Variants in SUPT3H observed in about 807,000 individuals in gnomAD.
The protein encoded by SUPT3H is transcription initiation protein SPT3 homolog.
A neutral mutation model predicts 44.3 loss-of-function variants in SUPT3H; 44 were observed. The observed-to-expected ratio is 0.99, with a 90% confidence interval of 0.78 to 1.28. The LOEUF (loss-of-function observed/expected upper bound fraction) is 1.28, where lower values mean the gene tolerates loss of function less well. Ranked by LOEUF, SUPT3H falls within the 50% of genes most tolerant of loss-of-function variation. The probability of loss-of-function intolerance (pLI) is 0.00; values close to 1 mark genes in which losing one functional copy is unlikely to be tolerated. For missense variants in SUPT3H, 380 were observed against 387.1 expected, an observed-to-expected ratio of 0.98 and a Z score of 0.15; for synonymous variants, 124 against 125.6, an observed-to-expected ratio of 0.99 and a Z score of 0.09.
At chr6:44,935,773 G>A (rs1427495633) in intron 9 of SUPT3H, among the ~76,000 whole-genome samples, 1 of 152,200 alleles carries the variant, frequency 6.6e-6, no homozygotes, top group African/African-American at 2.4e-5. Context: ...TTTCTCTGCC[G>A]GTTTACAATG....
intron 10 of SUPT3H, among the ~76,000 whole-genome samples, chr6:44,903,304 A>G (rs2153449334): frequency 6.6e-6 from 1 of 152,294 alleles, no homozygotes; most frequent in Non-Finnish European, 1.5e-5. Context: ...AAAGAAGAAA[A>G]GAGAGAAGAA....
At chr6:45,111,467 T>C (rs931150698) in intron 2 of SUPT3H, among the ~76,000 whole-genome samples, 2 of 151,992 alleles carry the variant, frequency 1.3e-5, no homozygotes, top group African/African-American at 4.8e-5. Context: ...TTCCAAAGTG[T>C]TCCCTACCAA....
At chr6:45,061,955 T>C (rs988750899) in intron 3 of SUPT3H, among the ~76,000 whole-genome samples, 5 of 146,988 alleles carry the variant, frequency 3.4e-5, no homozygotes, top group African/African-American at 1.3e-4. Flanking sequence ...TTAAATTGGG[T>C]GATGTGTTAT....
At chr6:44,816,895 A>G (rs1192012556) in intron 11 of SUPT3H, among the ~76,000 whole-genome samples, 2 of 127,416 alleles carry the variant, frequency 1.6e-5, no homozygotes, top group East Asian at 1.9e-4. Flanking sequence ...ACTACAAAAT[A>G]AAACAACAAC....
intron 3 of SUPT3H, among the ~76,000 whole-genome samples, chr6:45,070,922 C>T (rs1794291239): frequency 6.6e-6 from 1 of 152,024 alleles, no homozygotes; most frequent in Non-Finnish European, 1.5e-5. Context: ...CAACAAACAT[C>T]CGAGCCGCAA....
intron 10 of SUPT3H, among the ~76,000 whole-genome samples, chr6:44,861,891 T>A (rs1005750356): frequency 6.6e-6 from 1 of 152,250 alleles, no homozygotes; most frequent in African/African-American, 2.4e-5. Flanking sequence ...ATTTTAATAT[T>A]AAGCTAAAAT....
intron 6 of SUPT3H, among the ~76,000 whole-genome samples, chr6:44,980,551 G>C (rs1304024745): frequency 4.6e-5 from 7 of 152,110 alleles, no homozygotes; most frequent in Non-Finnish European, 1.0e-4. Flanking sequence ...CTTTCTTCTT[G>C]TTTGGTCTAG....
Position 45,158,298 on chromosome 6 carries a change from ATTTTTTT to A in SUPT3H, c.102-52299_102-52293del, listed in dbSNP as rs56882164. Among the ~76,000 whole-genome samples, 205 of 99,674 alleles carry A rather than the reference ATTTTTTT, an allele frequency of 2.1e-3. 5 individuals carry two copies. Among genetic ancestry groups the A allele is most frequent in the Non-Finnish European group, 2.8e-3 (158 of 57,206 alleles). The allele number at this position is 99,674 out of a possible 152,430, so 65.4% of individuals were successfully genotyped here. ...TACATATATATATATATATATATATATTTTTTTTTTTTTTTTTTTGAGATGGAGTCTC... is the reference window on the plus strand; with the variant it reads ...TACATATATATATATATATATATATATTTTTTTTTTTTGAGATGGAGTCTC... On this transcript the variant is annotated intron_variant, in intron 2 of 10. Transcript: ENST00000371459.
In SUPT3H at chr6:44,880,863, C is replaced by T. The variant is rs557095572; in HGVS notation, c.913-51006G>A. Among the ~76,000 whole-genome samples, 95 of 152,236 alleles carry T rather than the reference C, an allele frequency of 6.2e-4. 1 individual carries two copies. In the South Asian group the frequency reaches 9.6e-3, roughly 15 times the overall value. On this transcript the variant is annotated intron_variant, in intron 10 of 10. Coordinates refer to ENST00000371459, the MANE Select transcript of SUPT3H (RefSeq NM_003599.4). Reference sequence around the variant, plus strand: ...AGTGAAGGAAAAATAAAATCCTTTACGGACAATCAAATGCTGATTTTGTCA... The same window carrying T: ...AGTGAAGGAAAAATAAAATCCTTTATGGACAATCAAATGCTGATTTTGTCA...
chr6:45,011,550 C>T (rs906836713), intron 5 of SUPT3H, among the ~76,000 whole-genome samples: 3 of 151,906 alleles, frequency 2.0e-5, no homozygotes, highest in Non-Finnish European at 4.4e-5. Context: ...TTACCTCATT[C>T]GTGTCATTAC....
intron 9 of SUPT3H, among the ~76,000 whole-genome samples, chr6:44,949,792 T>C (rs925120189): frequency 1.3e-5 from 2 of 152,204 alleles, no homozygotes; most frequent in Non-Finnish European, 2.9e-5. Context: ...ATGCCAAATG[T>C]TGATGAAGCT....
chr6:45,105,845 T>C lies in SUPT3H; in HGVS notation c.186+77A>G. The C allele has an allele frequency of 7.1e-6, 8 of 1,129,046 alleles. No homozygotes were observed. In the South Asian group the frequency reaches 1.2e-4, roughly 16 times the overall value. The allele number at this position is 1,129,046 out of a possible 1,614,324, so 69.9% of individuals were successfully genotyped here. On this transcript the variant is annotated intron_variant, in intron 3 of 10. Coordinates refer to ENST00000371459, the MANE Select transcript of SUPT3H (RefSeq NM_003599.4). ...AAGAATTCCAGCTGTAAATAAAATG[T>C]TTTTAAAGTGTTGGGTTACCATCCT...
chr6:44,894,119 T>C lies in SUPT3H; in HGVS notation c.912+38534A>G, dbSNP rs1218968159. Among the ~76,000 whole-genome samples the C allele has an allele frequency of 1.4e-4, 19 of 135,550 alleles. No homozygotes were observed. In the East Asian group the frequency reaches 3.5e-3, roughly 25 times the overall value. 88.9% of individuals were successfully genotyped at this position (135,550 alleles called of 152,430 possible). ...TGGAGTTCATTGTAGATTCTGGATA[T>C]TAGCCCTTTGTCAGATGAGTAGGTT... is the stretch of plus-strand genomic sequence containing the variant. On this transcript the variant is annotated intron_variant, in intron 10 of 10. Coordinates refer to ENST00000371459, the MANE Select transcript of SUPT3H (RefSeq NM_003599.4).
intron 5 of SUPT3H, among the ~76,000 whole-genome samples, chr6:45,014,478 AG>A (rs765638108): frequency 2.6e-5 from 4 of 152,142 alleles, no homozygotes; most frequent in Non-Finnish European, 5.9e-5. Flanking sequence ...AAGAAAGCAG[AG>A]AACTGGTATT....
At chr6:45,153,429 C>T (rs1198443661) in intron 2 of SUPT3H, among the ~76,000 whole-genome samples, 1 of 152,178 alleles carries the variant, frequency 6.6e-6, no homozygotes, top group Non-Finnish European at 1.5e-5. Context: ...ATATATGTCT[C>T]ATGTTTGTGA....
At chr6:44,960,167 T>C (rs980965357) in intron 7 of SUPT3H, among the ~76,000 whole-genome samples, 11 of 151,446 alleles carry the variant, frequency 7.3e-5, no homozygotes, top group Non-Finnish European at 1.3e-4. Context: ...AAACAAAACA[T>C]GGGCCGGGCA....
chr6:45,208,731 A>AC (rs1324212277), intron 2 of SUPT3H, among the ~76,000 whole-genome samples: 1 of 48,312 alleles, frequency 2.1e-5, no homozygotes, highest in African/African-American at 9.9e-5. Context: ...CTCAAAAAAA[A>AC]AAAAAACAAA....
intron 2 of SUPT3H, among the ~76,000 whole-genome samples, chr6:45,285,175 A>G (rs1778995712): frequency 6.6e-6 from 1 of 151,540 alleles, no homozygotes; most frequent in South Asian, 2.1e-4. Context: ...CCCTTTGAAA[A>G]CTGGCACAAG....
intron 10 of SUPT3H, 140 bp from the exon 11 acceptor site, chr6:44,829,997 C>G: frequency 2.7e-6 from 2 of 731,132 alleles, no homozygotes; most frequent in East Asian, 5.5e-5. Context: ...CTGAATATTT[C>G]TGGTGGCAAA....
Sources: allele counts gnomAD v4.1 joint callset (sites outside exome capture counted in the v4.1 genomes callset), GRCh38; gene constraint gnomAD v4.1.1; transcripts MANE v1.5; gene names NCBI Gene and HGNC (gene_info 2026-07-23, HGNC 2026-07-21).